The following PPP2R3A variants were observed in gnomAD, a reference collection of about 807,000 sequenced individuals.
PPP2R3A encodes protein phosphatase 2 regulatory subunit B''alpha, also known as serine/threonine-protein phosphatase 2A regulatory subunit B'' subunit alpha.
In PPP2R3A, 80 loss-of-function variants were observed where a neutral mutation model predicts 106.9. The ratio of observed to expected loss-of-function variants is 0.75; its 90% CI spans 0.62 to 0.90. The LOEUF (loss-of-function observed/expected upper bound fraction) is 0.90, where lower values mean the gene tolerates loss of function less well. Among genes scored for constraint, PPP2R3A ranks in the 40% least tolerant of loss-of-function variants. The probability of loss-of-function intolerance (pLI) is 0.00; values close to 1 mark genes in which losing one functional copy is unlikely to be tolerated. For synonymous variants in PPP2R3A, 483 were observed against 468.3 expected (o/e 1.03, Z -0.41); for missense variants, 1,386 against 1,350.4 (o/e 1.03, Z -0.41).
intron 10 of PPP2R3A, among the ~76,000 whole-genome samples, chr3:136,096,237 T>C (rs1460480739): frequency 6.6e-6 from 1 of 152,178 alleles, no homozygotes; most frequent in Non-Finnish European, 1.5e-5. Context: ...GTCTATAGAA[T>C]GAAAATCAAA....
intron 13 of PPP2R3A, among the ~76,000 whole-genome samples, chr3:136,121,398 CAAAG>C (rs1358025749): frequency 6.6e-6 from 1 of 152,022 alleles, no homozygotes; most frequent in African/African-American, 2.4e-5. Context: ...CACATGCACA[CAAAG>C]AAGGGAACAG....
intron 1 of PPP2R3A, among the ~76,000 whole-genome samples, chr3:135,988,909 A>G (rs1009653052): frequency 2.0e-5 from 3 of 152,118 alleles, no homozygotes; most frequent in African/African-American, 7.2e-5. Flanking sequence ...GGAGGCACCT[A>G]TTGATTATCT....
At chr3:136,011,664 C>G (rs1934080700) in intron 2 of PPP2R3A, among the ~76,000 whole-genome samples, 1 of 152,154 alleles carries the variant, frequency 6.6e-6, no homozygotes, top group Non-Finnish European at 1.5e-5. Flanking sequence ...TATACCATAT[C>G]TTGCAGTCCT....
chr3:136,076,569 C>G (rs1023425844), intron 6 of PPP2R3A, among the ~76,000 whole-genome samples: 2 of 152,316 alleles, frequency 1.3e-5, no homozygotes, highest in Admixed American at 6.5e-5. Flanking sequence ...CCGTATTTCT[C>G]TAACACAAAG....
chr3:135,966,656 C>T (rs944314095), intron 1 of PPP2R3A, among the ~76,000 whole-genome samples: 1 of 152,308 alleles, frequency 6.6e-6, no homozygotes, highest in Non-Finnish European at 1.5e-5. Flanking sequence ...TTTATCCAGT[C>T]TTGGTGGTCA....
At chr3:136,040,808 T>C (rs1935239850) in intron 3 of PPP2R3A, 51 bp from the exon 4 acceptor site, 1 of 1,454,466 alleles carries the variant, frequency 6.9e-7, no homozygotes, top group South Asian at 1.3e-5. Context: ...TTTGGCCGTG[T>C]CATCTCTTCA....
At chr3:136,080,952 T>G (rs551442784) in intron 7 of PPP2R3A, among the ~76,000 whole-genome samples, 88 of 152,282 alleles carry the variant, frequency 5.8e-4, no homozygotes, top group African/African-American at 1.9e-3. Context: ...TACTAACATT[T>G]GTGTTATGAA....
intron 5 of PPP2R3A, among the ~76,000 whole-genome samples, chr3:136,057,955 C>T (rs997138235): frequency 6.6e-6 from 1 of 152,036 alleles, no homozygotes; most frequent in Non-Finnish European, 1.5e-5. Flanking sequence ...GGGTGTATAT[C>T]CAAAGGAAAT....
intron 5 of PPP2R3A, among the ~76,000 whole-genome samples, chr3:136,054,460 T>C (rs1472229840): frequency 6.6e-6 from 1 of 152,128 alleles, no homozygotes; most frequent in African/African-American, 2.4e-5. Context: ...GGTTTCATCA[T>C]GTTGGCCAGG....
chr3:136,078,554 A>T, intron 7 of PPP2R3A, 101 bp downstream of exon 7: 1 of 740,852 alleles, frequency 1.3e-6, no homozygotes, highest in Non-Finnish European at 2.3e-6. Flanking sequence ...AAGCACTGTC[A>T]CTACTTTCAG....
intron 13 of PPP2R3A, among the ~76,000 whole-genome samples, chr3:136,117,561 C>T (rs1053106476): frequency 3.0e-4 from 45 of 152,122 alleles, no homozygotes; most frequent in African/African-American, 8.2e-4. Flanking sequence ...CCACCGATCC[C>T]ACAGAAATAC....
chr3:136,054,237 G>A (rs868268274), intron 5 of PPP2R3A, among the ~76,000 whole-genome samples: 1 of 150,128 alleles, frequency 6.7e-6, no homozygotes, highest in Non-Finnish European at 1.5e-5. Context: ...ATGACAGCTC[G>A]GTATACTTCA....
Position 136,106,298 on chromosome 3 carries a change from C to A in PPP2R3A, c.3305C>A (p.Ser1102Tyr). Reference sequence around the variant, plus strand: ...TATGAGACGCTTGTTGCAGAGGAATCTGCCCAAGCACAATTCCAGGAAGGG... The same window carrying A: ...TATGAGACGCTTGTTGCAGAGGAATATGCCCAAGCACAATTCCAGGAAGGG... Reference protein sequence around the residue: ...EEYETLVAEESAQAQFQEGFE... With the variant: ...EEYETLVAEEYAQAQFQEGFE... Residue 1102 changes from serine (S) to tyrosine (Y), a missense_variant, in exon 13 of 14, where the codon TCT becomes TAT. Coordinates refer to ENST00000264977, the MANE Select transcript of PPP2R3A (RefSeq NM_002718.5). The A allele has an allele frequency of 6.2e-7, 1 of 1,613,896 alleles. No homozygotes were observed. The highest frequency in any genetic ancestry group is 1.1e-5 in the South Asian group (1 of 91,030).
intron 6 of PPP2R3A, among the ~76,000 whole-genome samples, chr3:136,072,784 CTTAGA>C (rs1936477001): frequency 6.6e-6 from 1 of 152,116 alleles, no homozygotes; most frequent in African/African-American, 2.4e-5. Context: ...GGCATGTATT[CTTAGA>C]TATTAAAGAA....
chr3:136,031,642 AGATTT>A (rs1226784831), intron 3 of PPP2R3A, among the ~76,000 whole-genome samples: 1 of 152,220 alleles, frequency 6.6e-6, no homozygotes, highest in African/African-American at 2.4e-5. Flanking sequence ...TTCAGGTCTT[AGATTT>A]AAGTCCTTAG....
intron 1 of PPP2R3A, among the ~76,000 whole-genome samples, chr3:135,978,571 A>G (rs1559848438): frequency 6.6e-6 from 1 of 151,638 alleles, no homozygotes; most frequent in Non-Finnish European, 1.5e-5. Context: ...AAGAAAAAAT[A>G]TGGGTGATTC....
chr3:136,022,791 CCAA>C (rs1168910649), intron 2 of PPP2R3A: 8 of 1,190,024 alleles, frequency 6.7e-6, no homozygotes, highest in Admixed American at 9.1e-5. Context: ...CATAAAGCTA[CCAA>C]CAAGGAGCAA....
chr3:135,979,207 C>T (rs1447574207), intron 1 of PPP2R3A, among the ~76,000 whole-genome samples: 5 of 151,380 alleles, frequency 3.3e-5, no homozygotes, highest in African/African-American at 7.3e-5. Flanking sequence ...GGTGAAACCC[C>T]GTCTCTACTA....
At chr3:136,010,163 C>T (rs1355850274) in intron 2 of PPP2R3A, among the ~76,000 whole-genome samples, 1 of 152,088 alleles carries the variant, frequency 6.6e-6, no homozygotes, top group East Asian at 1.9e-4. Flanking sequence ...CATCTCCTAC[C>T]CATATCAGTA....
Sources: gnomAD v4.1 joint callset for allele counts (sites outside exome capture counted in the v4.1 genomes callset) on GRCh38, gnomAD v4.1.1 for gene constraint, MANE v1.5 for transcripts, NCBI Gene and HGNC (gene_info 2026-07-23, HGNC 2026-07-21) for gene names.